The following PDE7A variants were observed in gnomAD, a reference collection of about 807,000 sequenced individuals.
PDE7A encodes phosphodiesterase 7A.
Under a neutral mutation model 64.3 loss-of-function variants are expected in PDE7A, and 39 were observed. The observed-to-expected ratio is 0.61, with a 90% CI of 0.47 to 0.79. PDE7A has a LOEUF of 0.79. Among genes scored for constraint, PDE7A ranks in the 30% least tolerant of loss-of-function variants. PDE7A has a pLI of 0.00. For synonymous variants in PDE7A, 203 were observed against 206.8 expected (o/e 0.98, Z 0.16); for missense variants, 470 against 582.8 (o/e 0.81, Z 1.99).
At chr8:65,828,973 G>A (rs867773666) in intron 1 of PDE7A, among the ~76,000 whole-genome samples, 3 of 151,930 alleles carry the variant, frequency 2.0e-5, no homozygotes, top group African/African-American at 7.3e-5. Context: ...ACATTCTTGG[G>A]TATTTGATTG....
At chr8:65,756,396 G>A (rs967279126) in intron 3 of PDE7A, among the ~76,000 whole-genome samples, 2 of 152,102 alleles carry the variant, frequency 1.3e-5, no homozygotes, top group East Asian at 1.9e-4. Flanking sequence ...ACACTTGATG[G>A]TGCCACCAGT....
intron 3 of PDE7A, among the ~76,000 whole-genome samples, chr8:65,760,214 T>C (rs2128913792): frequency 6.6e-6 from 1 of 151,806 alleles, no homozygotes; most frequent in African/African-American, 2.4e-5. Flanking sequence ...CACTCCAGCC[T>C]GGGCAAGAGT....
chr8:65,791,666 G>A (rs185570209), intron 1 of PDE7A, among the ~76,000 whole-genome samples: 8 of 152,176 alleles, frequency 5.3e-5, no homozygotes, highest in East Asian at 1.9e-4. Context: ...TGTCTGACAC[G>A]GTAATACAGA....
intron 1 of PDE7A, among the ~76,000 whole-genome samples, chr8:65,821,683 A>C (rs1488304532): frequency 2.0e-5 from 3 of 152,206 alleles, no homozygotes; most frequent in Non-Finnish European, 4.4e-5. Flanking sequence ...GTAGCTATAG[A>C]ATACTTGAAA....
chr8:65,804,513 G>A (rs1442501865), intron 1 of PDE7A, among the ~76,000 whole-genome samples: 2 of 148,600 alleles, frequency 1.3e-5, no homozygotes, highest in Non-Finnish European at 3.0e-5. Context: ...TAAGTAATTT[G>A]AGAAAGCTGA....
At chr8:65,780,177 G>C (rs1469045104) in intron 2 of PDE7A, among the ~76,000 whole-genome samples, 1 of 151,762 alleles carries the variant, frequency 6.6e-6, no homozygotes, top group East Asian at 1.9e-4. Context: ...TTTTACAGGA[G>C]GTTGAAAATC....
intron 1 of PDE7A, among the ~76,000 whole-genome samples, chr8:65,828,083 CT>C (rs1810723794): frequency 6.6e-6 from 1 of 151,854 alleles, no homozygotes; most frequent in African/African-American, 2.4e-5. Flanking sequence ...AGACATGTTA[CT>C]TTTTTAAAGG....
intron 3 of PDE7A, among the ~76,000 whole-genome samples, chr8:65,768,184 G>A (rs1808892519): frequency 6.6e-6 from 1 of 152,096 alleles, no homozygotes; most frequent in South Asian, 2.1e-4. Context: ...CAGTTTGAGG[G>A]TTTTTCCTAC....
At chr8:65,737,537 T>C (rs1387196462) in intron 6 of PDE7A, among the ~76,000 whole-genome samples, 3 of 152,072 alleles carry the variant, frequency 2.0e-5, no homozygotes, top group Non-Finnish European at 2.9e-5. Context: ...CAGAGTCTCA[T>C]TCTGTTGCCC....
intron 3 of PDE7A, among the ~76,000 whole-genome samples, chr8:65,776,501 T>A (rs1809262843): frequency 6.6e-6 from 1 of 152,172 alleles, no homozygotes; most frequent in Non-Finnish European, 1.5e-5. Flanking sequence ...GAAGAAAAAC[T>A]GGCATCTTTA....
Position 65,826,359 on chromosome 8 carries a change from T to TAGCACTGC in PDE7A, c.138+15004_138+15011dup, listed in dbSNP as rs541739451. On this transcript the variant is annotated intron_variant, in intron 1 of 12. Transcript: ENST00000401827. ...TATGCTTTGAACTAGGTAGGACTGA[T>TAGCACTGC]AGCACTGCAGTGGCAGAATAAAACA... 3.6e-3 allele frequency among the ~76,000 whole-genome samples: 553 copies of TAGCACTGC among 152,324 alleles called. 1 individual carries two copies. The highest frequency in any genetic ancestry group is 5.4e-3 in the Non-Finnish European group (366 of 68,026).
At chr8:65,761,154 G>A (rs1409820669) in intron 3 of PDE7A, among the ~76,000 whole-genome samples, 1 of 151,988 alleles carries the variant, frequency 6.6e-6, no homozygotes, top group South Asian at 2.1e-4. Context: ...CCGCCTCCCA[G>A]GTCCTGATTC....
intron 1 of PDE7A, chr8:65,789,119 AC>A: frequency 7.9e-7 from 1 of 1,265,528 alleles, no homozygotes; most frequent in Non-Finnish European, 1.0e-6. Flanking sequence ...GGAATGCACT[AC>A]CCAGCCAGCC....
intron 3 of PDE7A, among the ~76,000 whole-genome samples, chr8:65,764,861 G>A (rs1808690777): frequency 6.6e-6 from 1 of 152,190 alleles, no homozygotes; most frequent in Non-Finnish European, 1.5e-5. Flanking sequence ...TACAGTCATT[G>A]TAATAAAGAC....
At position 65,725,036 on chromosome 8, in the gene PDE7A, ATCAT is replaced by A. The variant is rs562895060; in HGVS notation, c.921-119_921-116del. ...TTATAGAACCCTAAAATATCCAACT[ATCAT>A]TCAATTTAAAATTTATCACACAAAA... On this transcript the variant is annotated intron_variant, in intron 9 of 12. Transcript: ENST00000401827. The A allele has an allele frequency of 6.0e-5, 31 of 513,844 alleles. No homozygotes were observed. In the Admixed American group the frequency reaches 1.1e-3, roughly 18 times the overall value. 31.8% of individuals were successfully genotyped at this position (513,844 alleles called of 1,614,324 possible).
intron 1 of PDE7A, among the ~76,000 whole-genome samples, chr8:65,821,402 C>T (rs536067818): frequency 1.4e-5 from 2 of 146,772 alleles, no homozygotes; most frequent in East Asian, 3.9e-4. Flanking sequence ...CAAGATACAG[C>T]CCAACCCAAA....
At chr8:65,782,408 G>C (rs76452519) in intron 2 of PDE7A, among the ~76,000 whole-genome samples, 344 of 152,282 alleles carry the variant, frequency 2.3e-3, no homozygotes, top group Non-Finnish European at 3.6e-3. Flanking sequence ...AATACATCTA[G>C]TGACAGGACT....
At chr8:65,727,129 A>G in intron 8 of PDE7A, 41 bp downstream of exon 8, 1 of 1,241,364 alleles carries the variant, frequency 8.1e-7, no homozygotes, top group South Asian at 1.3e-5. Context: ...GATTTTCTAG[A>G]ATGCAAAAAT....
At chr8:65,739,659 C>T in intron 5 of PDE7A, 62 bp from the exon 6 acceptor site, 4 of 1,327,468 alleles carry the variant, frequency 3.0e-6, no homozygotes, top group Non-Finnish European at 3.9e-6. Flanking sequence ...TTATATTATG[C>T]TTTGAAATAC....
Sources: allele counts gnomAD v4.1 joint callset (sites outside exome capture counted in the v4.1 genomes callset), GRCh38; gene constraint gnomAD v4.1.1; transcripts MANE v1.5; gene names NCBI Gene and HGNC (gene_info 2026-07-23, HGNC 2026-07-21).